PRUNE2: variants seen among roughly 807,000 people sequenced by gnomAD.
The protein encoded by PRUNE2 is prune homolog 2 with BCH domain.
Under a neutral mutation model 252.0 loss-of-function variants are expected in PRUNE2, and 164 were observed. That is an observed-to-expected ratio of 0.65 (90% CI 0.57 to 0.74). The LOEUF is 0.74. Among genes scored for constraint, PRUNE2 ranks in the 30% least tolerant of loss-of-function variants. The pLI, the probability that PRUNE2 is intolerant of heterozygous loss-of-function variation, is 0.00. For synonymous variants in PRUNE2, 1,292 were observed against 1,350.2 expected (o/e 0.96, Z 0.94); for missense variants, 3,495 against 3,711.0 (o/e 0.94, Z 1.51).
intron 16 of PRUNE2, among the ~76,000 whole-genome samples, chr9:76,628,326 C>T (rs7847943): frequency 0.014 from 2,144 of 152,264 alleles, 44 homozygotes; most frequent in African/African-American, 0.048. Context: ...AGGATGCTGA[C>T]GCTGATACTG....
At chr9:76,753,335 G>GC (rs11404059) in intron 6 of PRUNE2, among the ~76,000 whole-genome samples, 66,048 of 152,008 alleles carry the variant, frequency 0.43, 14,602 homozygotes, top group Admixed American at 0.54. Context: ...CCAAAAATAT[G>GC]TTTTAAGCAT....
At chr9:76,766,898 C>A (rs2052460017) in intron 6 of PRUNE2, among the ~76,000 whole-genome samples, 1 of 152,194 alleles carries the variant, frequency 6.6e-6, no homozygotes. Context: ...CATACACATA[C>A]ACAACGCATA....
rs562439204 is a variant in PRUNE2 at position 76,770,041 on chromosome 9, T to C, written c.756+53591A>G. ...AAAATTTATTAGCATCATAACCTAA[T>C]GCAGATATCCTCCCAGAATATCAGG... On this transcript the variant is annotated intron_variant, in intron 6 of 18. Transcript: ENST00000376718. Among the ~76,000 whole-genome samples, 18 of 152,336 alleles carry C rather than the reference T, an allele frequency of 1.2e-4. No homozygotes were observed. In the South Asian group the frequency reaches 3.5e-3, roughly 30 times the overall value.
At chr9:76,874,228 T>A (rs1036818146) in intron 1 of PRUNE2, among the ~76,000 whole-genome samples, 4 of 152,182 alleles carry the variant, frequency 2.6e-5, no homozygotes, top group Non-Finnish European at 4.4e-5. Flanking sequence ...TCAAAAAATA[T>A]CATTAGTACA....
intron 18 of PRUNE2, among the ~76,000 whole-genome samples, chr9:76,618,713 G>A (rs1830748652): frequency 6.6e-6 from 1 of 152,212 alleles, no homozygotes; most frequent in South Asian, 2.1e-4. Context: ...CTGTAAAACA[G>A]TGGGCTGGTC....
chr9:76,781,508 G>A (rs1564290115), intron 6 of PRUNE2, among the ~76,000 whole-genome samples: 2 of 152,260 alleles, frequency 1.3e-5, no homozygotes, highest in East Asian at 3.9e-4. Flanking sequence ...TATTGTATAT[G>A]CTTGGTTTAT....
At chr9:76,763,863 TAAATAAAAGAGG>T (rs2052020572) in intron 6 of PRUNE2, among the ~76,000 whole-genome samples, 1 of 152,184 alleles carries the variant, frequency 6.6e-6, no homozygotes, top group African/African-American at 2.4e-5. Flanking sequence ...CATGAGTCAA[TAAATAAAAGAGG>T]AAAGGAAATT....
At chr9:76,903,081 G>T (rs1458958340) in intron 1 of PRUNE2, among the ~76,000 whole-genome samples, 2 of 152,006 alleles carry the variant, frequency 1.3e-5, no homozygotes, top group Non-Finnish European at 2.9e-5. Context: ...TCAACCTAGG[G>T]GCCTGGCCTA....
chr9:76,626,652 TACTTA>T (rs775788347), intron 16 of PRUNE2, among the ~76,000 whole-genome samples: 4 of 152,240 alleles, frequency 2.6e-5, no homozygotes, highest in Non-Finnish European at 5.9e-5. Context: ...GTCCTAGGTA[TACTTA>T]ACTTCTCATT....
chr9:76,638,063 C>T, intron 13 of PRUNE2, 123 bp downstream of exon 13: 2 of 668,698 alleles, frequency 3.0e-6, no homozygotes, highest in Non-Finnish European at 5.2e-6. Flanking sequence ...AGAAACCTTA[C>T]TGACTTTTCA....
intron 9 of PRUNE2, among the ~76,000 whole-genome samples, chr9:76,676,728 C>A (rs2042655131): frequency 6.6e-6 from 1 of 152,104 alleles, no homozygotes; most frequent in Non-Finnish European, 1.5e-5. Context: ...AAAAGAAGTG[C>A]CTAGTAAGTA....
intron 1 of PRUNE2, among the ~76,000 whole-genome samples, chr9:76,866,698 A>G (rs62568077): frequency 0.14 from 21,096 of 150,984 alleles, 1,696 homozygotes; most frequent in Non-Finnish European, 0.16. Flanking sequence ...AGGAAGGAAG[A>G]AAGAAAGGAA....
At position 76,615,777 on chromosome 9, in the gene PRUNE2, T is replaced by TTTG. The variant is rs1829257092; in HGVS notation, c.9237-1178_9237-1177insCAA. ...GTTGTTTTGTGTGTGTGGTTTTTTT[T>TTTG]TTTTTTTTTTTGAGATGGAGTCTTG... On this transcript the variant is annotated intron_variant, in intron 18 of 18. Coordinates refer to ENST00000376718, the MANE Select transcript of PRUNE2 (RefSeq NM_015225.3). 6.5e-5 allele frequency among the ~76,000 whole-genome samples: 9 copies of TTTG among 139,456 alleles called. No individual in the cohort carries two copies. In the South Asian group the frequency reaches 2.2e-3, roughly 34 times the overall value. 91.5% of individuals were successfully genotyped at this position (139,456 alleles called of 152,430 possible). A position where few individuals can be genotyped will look rare whatever the true frequency, so the allele number is the denominator to read the frequency against.
chr9:76,649,465 A>T (rs1291277741), intron 11 of PRUNE2, among the ~76,000 whole-genome samples: 1 of 152,188 alleles, frequency 6.6e-6, no homozygotes, highest in Non-Finnish European at 1.5e-5. Context: ...ACATGCCTGT[A>T]GTCCCAGCTA....
intron 9 of PRUNE2, among the ~76,000 whole-genome samples, chr9:76,668,566 G>A (rs1018985358): frequency 1.3e-5 from 2 of 152,028 alleles, no homozygotes; most frequent in Non-Finnish European, 2.9e-5. Flanking sequence ...AAAGGGCCTG[G>A]GTGGGAGGGT....
chr9:76,679,089 A>G lies in PRUNE2; in HGVS notation c.8277-23587T>C, dbSNP rs1183291399. ...AAATGTGCAACCTTATACGAGTTAC[A>G]GAATTTCTATATGCCTCAGTTTCCT... On this transcript the variant is annotated intron_variant, in intron 9 of 18. Coordinates refer to ENST00000376718, the MANE Select transcript of PRUNE2 (RefSeq NM_015225.3). Among the ~76,000 whole-genome samples, 3 of 152,228 alleles carry G rather than the reference A, an allele frequency of 2.0e-5. 1 individual carries two copies. The highest frequency in any genetic ancestry group is 4.8e-5 in the African/African-American group (2 of 41,464).
intron 6 of PRUNE2, among the ~76,000 whole-genome samples, chr9:76,818,417 A>G (rs777215804): frequency 6.6e-6 from 1 of 152,144 alleles, no homozygotes; most frequent in Non-Finnish European, 1.5e-5. Context: ...TGTGCTTTGA[A>G]TGCTAATGGA....
At chr9:76,713,512 G>T (rs1254056501) in intron 7 of PRUNE2, 51 bp downstream of exon 7, 24 of 1,499,130 alleles carry the variant, frequency 1.6e-5, no homozygotes, top group Non-Finnish European at 2.0e-5. Context: ...TGTTCTGAGA[G>T]CCAGCAGGTT....
At chr9:76,898,026 A>C (rs1162296622) in intron 1 of PRUNE2, among the ~76,000 whole-genome samples, 1 of 152,160 alleles carries the variant, frequency 6.6e-6, no homozygotes, top group East Asian at 1.9e-4. Context: ...GGCCAGTGCT[A>C]CTACTGTTCT....
Sources: gnomAD v4.1 joint callset for allele counts (sites outside exome capture counted in the v4.1 genomes callset) on GRCh38, gnomAD v4.1.1 for gene constraint, MANE v1.5 for transcripts, NCBI Gene and HGNC (gene_info 2026-07-23, HGNC 2026-07-21) for gene names.